MAPK6: variants seen among roughly 807,000 people sequenced by gnomAD.
The protein encoded by MAPK6 is ERK-3.
Under a neutral mutation model 59.3 loss-of-function variants are expected in MAPK6, and 19 were observed. The observed-to-expected ratio is 0.32, with a 90% CI of 0.22 to 0.47. The LOEUF (loss-of-function observed/expected upper bound fraction) is 0.47. Ranked by LOEUF, MAPK6 falls within the 20% of genes least tolerant of loss-of-function variation. MAPK6 has a pLI of 1.00. For missense variants in MAPK6, 724 were observed against 847.9 expected (o/e 0.85, Z 1.81); for synonymous variants, 316 against 290.3 (o/e 1.09, Z -0.90).
intron 3 of MAPK6, chr15:52,057,021 C>T (rs1260158126): frequency 1.3e-5 from 2 of 152,158 alleles, no homozygotes; most frequent in Non-Finnish European, 2.9e-5. Context: ...AAACCAGTAC[C>T]TCCATTTTTC....
At chr15:51,983,505 C>T (rs2057181112) in intron 2 of MAPK6, among the ~76,000 whole-genome samples, 1 of 143,838 alleles carries the variant, frequency 7.0e-6, no homozygotes, top group Admixed American at 6.9e-5. Context: ...AAAACGACAA[C>T]AACAAAAAAA....
At position 52,065,048 on chromosome 15, in the gene MAPK6, G is replaced by C. The variant is rs754477873; in HGVS notation, c.*48G>C. The C allele has an allele frequency of 6.7e-7, 1 of 1,498,546 alleles. No homozygotes were observed. The highest frequency in any genetic ancestry group is 8.9e-7 in the Non-Finnish European group (1 of 1,120,740). 92.8% of individuals were successfully genotyped at this position (1,498,546 alleles called of 1,614,324 possible). On this transcript the variant is annotated 3_prime_UTR_variant, in exon 6 of 6. Coordinates refer to ENST00000261845, the MANE Select transcript of MAPK6 (RefSeq NM_002748.4). ...TTGTATTCTTCATGAAATGTGTTTT[G>C]TCTTTTTTTATTACTAGTGTTTAAG...
Position 52,064,832 on chromosome 15 carries a change from G to A in MAPK6, c.1998G>A (p.Gly666=). The A allele has an allele frequency of 6.2e-7, 1 of 1,611,946 alleles. No individual in the cohort carries two copies. ...AGGAAGGATTTCTGAACAACAGTGG[G>A]GAGTTCCTCTTTAACAAGCAGCTCG... The part of the protein sequence containing the change: ...GHEEGFLNNS[G]EFLFNKQLES... The change falls in exon 6 of 6, where the codon GGG becomes GGA. Residue 666 remains glycine, a synonymous_variant. Coordinates refer to ENST00000261845, the MANE Select transcript of MAPK6 (RefSeq NM_002748.4).
chr15:51,980,909 G>A (rs554106880), intron 1 of MAPK6, among the ~76,000 whole-genome samples: 33 of 151,418 alleles, frequency 2.2e-4, no homozygotes, highest in South Asian at 4.2e-4. Context: ...CTATTTCAAC[G>A]TAGAGCTGAT....
At chr15:52,045,518 A>C (rs2031568679) in intron 1 of MAPK6, among the ~76,000 whole-genome samples, 1 of 152,168 alleles carries the variant, frequency 6.6e-6, no homozygotes, top group African/African-American at 2.4e-5. Flanking sequence ...CCCCTCACAA[A>C]ACTCAAGTTC....
chr15:52,039,636 C>T (rs1375441363), intron 1 of MAPK6, among the ~76,000 whole-genome samples: 7 of 151,302 alleles, frequency 4.6e-5, no homozygotes, highest in Admixed American at 2.6e-4. Flanking sequence ...CAACCTCAGC[C>T]TCCTGAGTAG....
chr15:52,049,422 C>T lies in MAPK6; in HGVS notation c.556-571C>T, dbSNP rs573051448. Reference sequence around the variant, plus strand: ...TGCTCACTGCAACCTCTGTCTCCTGCGCTTAAGTGATCCTCCCACCTCAGC... The same window carrying T: ...TGCTCACTGCAACCTCTGTCTCCTGTGCTTAAGTGATCCTCCCACCTCAGC... On this transcript the variant is annotated intron_variant, in intron 2 of 5. Coordinates refer to ENST00000261845, the MANE Select transcript of MAPK6 (RefSeq NM_002748.4). Among the ~76,000 whole-genome samples, 38 of 145,594 alleles carry T rather than the reference C, an allele frequency of 2.6e-4. 1 individual carries two copies. In the South Asian group the frequency reaches 4.8e-3, roughly 18 times the overall value.
Position 52,065,514 on chromosome 15 carries a change from C to T in MAPK6, c.*514C>T, listed in dbSNP as rs1171356743. On this transcript the variant is annotated 3_prime_UTR_variant, in exon 6 of 6. Transcript: ENST00000261845. Reference sequence around the variant, plus strand: ...ACCTCAAGGTAACAAGAGTATGTGGCAAAACATATACCACCCATAGTGCTT... The same window carrying T: ...ACCTCAAGGTAACAAGAGTATGTGGTAAAACATATACCACCCATAGTGCTT... The T allele has an allele frequency of 6.5e-6, 1 of 152,800 alleles. No homozygotes were observed. The highest frequency in any genetic ancestry group is 6.5e-5 in the Admixed American group (1 of 15,292). The allele number at this position is 152,800 out of a possible 1,614,324, so 9.5% of individuals were successfully genotyped here. A position where few individuals can be genotyped will look rare whatever the true frequency, so the allele number is the denominator to read the frequency against.
In MAPK6 at chr15:52,046,407, C is replaced by T. The variant is rs185311664; in HGVS notation, c.-54C>T. 4.5e-6 allele frequency: 6 copies of T among 1,336,866 alleles called. No individual in the cohort carries two copies. In the African/African-American group the frequency reaches 7.3e-5, roughly 16 times the overall value. 82.8% of individuals were successfully genotyped at this position (1,336,866 alleles called of 1,614,324 possible). A position where few individuals can be genotyped will look rare whatever the true frequency, so the allele number is the denominator to read the frequency against. On this transcript the variant is annotated 5_prime_UTR_variant, in exon 2 of 6. Transcript: ENST00000261845. Reference sequence around the variant, plus strand: ...CTTTCCTTTTGATGCCAGTTTTCTTCCTTGTTTACACAAGTTCAATTTGAA... The same window carrying T: ...CTTTCCTTTTGATGCCAGTTTTCTTTCTTGTTTACACAAGTTCAATTTGAA...
In MAPK6 at chr15:52,006,533, C is replaced by T. The variant is rs532613305; in HGVS notation, c.-632+2131C>T. On this transcript the variant is annotated intron_variant, in intron 3 of 7. Coordinates refer to the MAPK6 transcript ENST00000691380. ...ACTAGAGTTTACAATGACTAAAACACAGAAGTTCACAATCATTGTGTGAGA... is the reference window on the plus strand; with the variant it reads ...ACTAGAGTTTACAATGACTAAAACATAGAAGTTCACAATCATTGTGTGAGA... 2.6e-5 allele frequency among the ~76,000 whole-genome samples: 4 copies of T among 152,336 alleles called. No homozygotes were observed. The South Asian group carries it at 6.2e-4, about 24-fold the overall frequency.
Position 52,046,386 on chromosome 15 carries a change from C to A in MAPK6, c.-75C>A. On this transcript the variant is annotated 5_prime_UTR_variant, in exon 2 of 6. Transcript: ENST00000261845. Reference sequence around the variant, plus strand: ...TCTTCTCCCTTTTTGAAAGATCTTTCCTTTTGATGCCAGTTTTCTTCCTTG... The same window carrying A: ...TCTTCTCCCTTTTTGAAAGATCTTTACTTTTGATGCCAGTTTTCTTCCTTG... 9.1e-7 allele frequency: 1 copy of A among 1,095,944 alleles called. No individual in the cohort carries two copies. Among genetic ancestry groups the A allele is most frequent in the East Asian group, 2.4e-5 (1 of 42,118 alleles). 67.9% of individuals were successfully genotyped at this position (1,095,944 alleles called of 1,614,324 possible).
At chr15:52,028,146 G>A (rs1408597045) in intron 1 of MAPK6, among the ~76,000 whole-genome samples, 3 of 151,856 alleles carry the variant, frequency 2.0e-5, no homozygotes, top group African/African-American at 7.3e-5. Context: ...TAGAGACAGG[G>A]TTTCACCGTG....
rs1376271587 is a variant in MAPK6 at position 52,066,863 on chromosome 15, C to A, written c.*1863C>A. 1 of 150,970 alleles carries A rather than the reference C, an allele frequency of 6.6e-6. No individual in the cohort carries two copies. The highest frequency in any genetic ancestry group is 2.4e-5 in the African/African-American group (1 of 41,042). The allele number at this position is 150,970 out of a possible 1,614,324, so 9.4% of individuals were successfully genotyped here. A position where few individuals can be genotyped will look rare whatever the true frequency, so the allele number is the denominator to read the frequency against. On this transcript the variant is annotated 3_prime_UTR_variant, in exon 6 of 6. Coordinates refer to ENST00000261845, the MANE Select transcript of MAPK6 (RefSeq NM_002748.4). The stretch of plus-strand genomic sequence containing the variant: ...ATTAATTTAAACATACTCAAATTAC[C>A]TTAAGAGGACAAGCTCTGAAGTGCA...
chr15:51,979,042 T>C (rs554367790), intron 1 of MAPK6, among the ~76,000 whole-genome samples: 1 of 143,004 alleles, frequency 7.0e-6, no homozygotes. Flanking sequence ...GGCTGGGAAG[T>C]CAAGGCTGCA....
chr15:52,061,728 A>G (rs2032209826), intron 5 of MAPK6, among the ~76,000 whole-genome samples: 1 of 152,172 alleles, frequency 6.6e-6, no homozygotes, highest in Non-Finnish European at 1.5e-5. Flanking sequence ...TGCCGAGATT[A>G]TGCCACTGCA....
intron 3 of MAPK6, among the ~76,000 whole-genome samples, chr15:52,058,227 A>G (rs758919188): frequency 4.6e-5 from 7 of 152,212 alleles, no homozygotes; most frequent in Non-Finnish European, 1.0e-4. Flanking sequence ...TTACAAGTCT[A>G]GTCCAACCCT....
intron 1 of MAPK6, among the ~76,000 whole-genome samples, chr15:52,042,239 A>G (rs1022964329): frequency 2.0e-4 from 31 of 152,242 alleles, no homozygotes; most frequent in African/African-American, 7.5e-4. Flanking sequence ...TCACTGAACA[A>G]GCACTGCCAT....
intron 2 of MAPK6, among the ~76,000 whole-genome samples, chr15:51,989,325 C>T (rs190681221): frequency 5.3e-5 from 8 of 152,076 alleles, no homozygotes; most frequent in East Asian, 1.9e-4. Context: ...TTGATCCGCC[C>T]GCCTCAGCCT....
At chr15:52,041,805 T>A (rs145123799) in intron 1 of MAPK6, among the ~76,000 whole-genome samples, 207 of 152,346 alleles carry the variant, frequency 1.4e-3, no homozygotes, top group African/African-American at 4.6e-3. Context: ...ATCTTGACTT[T>A]CTTAATTAGG....
Sources: allele counts gnomAD v4.1 joint callset (sites outside exome capture counted in the v4.1 genomes callset), GRCh38; gene constraint gnomAD v4.1.1; transcripts MANE v1.5; gene names NCBI Gene and HGNC (gene_info 2026-07-23, HGNC 2026-07-21).